CD200R1: variants seen among roughly 807,000 people sequenced by gnomAD.
CD200R1 encodes cell surface glycoprotein CD200 receptor 1.
CD200R1 carries 30 observed loss-of-function variants against 38.1 expected under a neutral mutation model. That is an observed-to-expected ratio of 0.79 (90% confidence interval 0.59 to 1.07). The LOEUF (loss-of-function observed/expected upper bound fraction) is 1.07. CD200R1 is among the 50% of genes least tolerant of loss of function. The pLI is 0.00. For missense variants in CD200R1, 372 were observed against 415.4 expected, an observed-to-expected ratio of 0.90 and a Z score of 0.91; for synonymous variants, 128 against 152.1, an observed-to-expected ratio of 0.84 and a Z score of 1.16.
intron 2 of CD200R1, among the ~76,000 whole-genome samples, chr3:112,933,309 C>T (rs1046675877): frequency 6.6e-6 from 1 of 152,308 alleles, no homozygotes; most frequent in South Asian, 2.1e-4. Flanking sequence ...TAGTCCCAAA[C>T]CCAGCAAGCC....
chr3:112,937,767 T>C (rs1489334419), intron 2 of CD200R1, among the ~76,000 whole-genome samples: 1 of 152,232 alleles, frequency 6.6e-6, no homozygotes, highest in Non-Finnish European at 1.5e-5. Flanking sequence ...ACTGAATCTA[T>C]AAACTATTTT....
At chr3:112,933,777 A>G (rs1242685575) in intron 2 of CD200R1, among the ~76,000 whole-genome samples, 1 of 152,138 alleles carries the variant, frequency 6.6e-6, no homozygotes, top group Non-Finnish European at 1.5e-5. Flanking sequence ...GAAAAATTCA[A>G]CAAAAAGATA....
At chr3:112,968,925 A>G (rs985369103) in intron 1 of CD200R1, among the ~76,000 whole-genome samples, 7 of 152,220 alleles carry the variant, frequency 4.6e-5, no homozygotes, top group African/African-American at 1.4e-4. Flanking sequence ...AAACTATTTA[A>G]TTTACAAAGA....
chr3:112,923,645 G>T lies in CD200R1; in HGVS notation c.*32C>A. On this transcript the variant is annotated 3_prime_UTR_variant, in exon 8 of 8. Transcript: ENST00000308611. ...ACAGTAATTATAATGTATCTCGTTTGTTGTTGTTTCTTGGTACTAGAGTCC... is the reference window on the plus strand; with the variant it reads ...ACAGTAATTATAATGTATCTCGTTTTTTGTTGTTTCTTGGTACTAGAGTCC... 1 of 1,031,430 alleles carries T rather than the reference G, an allele frequency of 9.7e-7. No homozygotes were observed. The highest frequency in any genetic ancestry group is 1.5e-6 in the Non-Finnish European group (1 of 667,334). The allele number at this position is 1,031,430 out of a possible 1,614,324, so 63.9% of individuals were successfully genotyped here. A position where few individuals can be genotyped will look rare whatever the true frequency, so the allele number is the denominator to read the frequency against.
intron 1 of CD200R1, among the ~76,000 whole-genome samples, chr3:112,958,784 A>G (rs1307264671): frequency 6.6e-6 from 1 of 152,198 alleles, no homozygotes; most frequent in Non-Finnish European, 1.5e-5. Context: ...TTTTTAAAAA[A>G]TACTTCTATC....
chr3:112,955,989 C>T (rs920629400), intron 1 of CD200R1, among the ~76,000 whole-genome samples: 7 of 151,902 alleles, frequency 4.6e-5, no homozygotes, highest in Non-Finnish European at 7.4e-5. Context: ...TTGGGGTAGT[C>T]TTACTTGGAT....
At chr3:112,949,410 CTTTT>C (rs1940929824) in intron 1 of CD200R1, among the ~76,000 whole-genome samples, 1 of 152,128 alleles carries the variant, frequency 6.6e-6, no homozygotes, top group African/African-American at 2.4e-5. Flanking sequence ...GCAAACTGTT[CTTTT>C]AAGATAATTT....
rs188311290 is a variant in CD200R1 at position 112,923,117 on chromosome 3, A to G, written c.*560T>C. On this transcript the variant is annotated 3_prime_UTR_variant, in exon 8 of 8. Transcript: ENST00000308611. ...ATATAACTATACAATGGAATTTTAT[A>G]TAACCATTAAAAAGAATGAGGTAGC... 5 of 152,076 alleles carry G rather than the reference A, an allele frequency of 3.3e-5. No homozygotes were observed. The East Asian group carries it at 7.7e-4, about 24-fold the overall frequency. 9.4% of individuals were successfully genotyped at this position (152,076 alleles called of 1,614,324 possible). A position where few individuals can be genotyped will look rare whatever the true frequency, so the allele number is the denominator to read the frequency against.
chr3:112,955,023 C>A (rs1941058418), intron 1 of CD200R1, among the ~76,000 whole-genome samples: 1 of 152,114 alleles, frequency 6.6e-6, no homozygotes, highest in South Asian at 2.1e-4. Flanking sequence ...CTGAAGAATT[C>A]ATTGTTTGGT....
chr3:112,948,000 T>G (rs1437534540), intron 1 of CD200R1, 76 bp from the exon 2 acceptor site: 2 of 910,358 alleles, frequency 2.2e-6, no homozygotes, highest in Non-Finnish European at 3.6e-6. Flanking sequence ...TAAAATCATA[T>G]TTTTTCACAT....
intron 1 of CD200R1, among the ~76,000 whole-genome samples, chr3:112,955,632 C>A (rs1941080340): frequency 6.6e-6 from 1 of 151,804 alleles, no homozygotes; most frequent in African/African-American, 2.4e-5. Context: ...CCTCAGCCTC[C>A]CGAGTAGCTG....
intron 1 of CD200R1, among the ~76,000 whole-genome samples, chr3:112,973,860 G>T (rs1933368675): frequency 6.6e-6 from 1 of 152,102 alleles, no homozygotes. Context: ...ACCTTCTACA[G>T]TGAAACCAGG....
At chr3:112,938,092 T>C (rs180813073) in intron 2 of CD200R1, among the ~76,000 whole-genome samples, 65 of 152,258 alleles carry the variant, frequency 4.3e-4, no homozygotes, top group African/African-American at 1.5e-3. Flanking sequence ...GCTTTTGGGC[T>C]GAGATGATGG....
At chr3:112,938,469 T>C (rs1303717027) in intron 2 of CD200R1, among the ~76,000 whole-genome samples, 1 of 152,014 alleles carries the variant, frequency 6.6e-6, no homozygotes, top group Admixed American at 6.6e-5. Flanking sequence ...TTAGAAACTA[T>C]TATGAACAAC....
At chr3:112,956,864 G>T (rs1356380791) in intron 1 of CD200R1, among the ~76,000 whole-genome samples, 1 of 152,196 alleles carries the variant, frequency 6.6e-6, no homozygotes, top group African/African-American at 2.4e-5. Context: ...TACCTCTGAG[G>T]TTTGTTCAGA....
intron 2 of CD200R1, among the ~76,000 whole-genome samples, chr3:112,933,601 C>T (rs548903411): frequency 2.0e-5 from 3 of 152,100 alleles, no homozygotes; most frequent in African/African-American, 7.2e-5. Context: ...ATGATAGACC[C>T]CCCAAATCAA....
chr3:112,942,061 A>G (rs1430646638), intron 2 of CD200R1, among the ~76,000 whole-genome samples: 4 of 151,704 alleles, frequency 2.6e-5, no homozygotes, highest in Non-Finnish European at 4.4e-5. Flanking sequence ...TGTTGTCTGT[A>G]GGCCTGCCTT....
At chr3:112,960,408 G>A (rs565374079) in intron 1 of CD200R1, among the ~76,000 whole-genome samples, 2 of 152,068 alleles carry the variant, frequency 1.3e-5, no homozygotes, top group East Asian at 1.9e-4. Context: ...GTAAAATCAT[G>A]TTTGTTACTT....
chr3:112,961,720 T>C (rs1011681830), intron 1 of CD200R1, among the ~76,000 whole-genome samples: 5 of 152,072 alleles, frequency 3.3e-5, no homozygotes, highest in African/African-American at 7.2e-5. Context: ...AAAACAATGT[T>C]GCCAAGCAAA....
Sources: gnomAD v4.1 joint callset for allele counts (sites outside exome capture counted in the v4.1 genomes callset) on GRCh38, gnomAD v4.1.1 for gene constraint, MANE v1.5 for transcripts, NCBI Gene and HGNC (gene_info 2026-07-23, HGNC 2026-07-21) for gene names.